The following FAM135B variants were observed in gnomAD, a reference collection of about 807,000 sequenced individuals.
FAM135B encodes the protein family with sequence similarity 135 member B, also known as protein FAM135B.
In FAM135B, 43 loss-of-function variants were observed where a neutral mutation model predicts 127.7. The ratio of observed to expected loss-of-function variants is 0.34; its 90% confidence interval spans 0.26 to 0.43. The LOEUF (loss-of-function observed/expected upper bound fraction) is 0.43, where lower values mean the gene tolerates loss of function less well. Among genes scored for constraint, FAM135B ranks in the 20% least tolerant of loss-of-function variants. FAM135B has a pLI of 1.00. For synonymous variants in FAM135B, 670 were observed against 665.1 expected (o/e 1.01, Z -0.11); for missense variants, 1,558 against 1,725.6 (o/e 0.90, Z 1.72).
intron 1 of FAM135B, chr8:138,459,034 C>G (rs561395128): frequency 6.6e-6 from 1 of 152,510 alleles, no homozygotes; most frequent in Non-Finnish European, 1.5e-5. Flanking sequence ...TCTGAATCCA[C>G]GCAGCACTGC....
rs1816135991 is a variant in FAM135B at position 138,130,589 on chromosome 8, A to G, written c.*2004T>C. 1 of 152,246 alleles carries G rather than the reference A, an allele frequency of 6.6e-6. No individual in the cohort carries two copies. The highest frequency in any genetic ancestry group is 2.1e-4 in the South Asian group (1 of 4,822). The allele number at this position is 152,246 out of a possible 1,614,324, so 9.4% of individuals were successfully genotyped here. A position where few individuals can be genotyped will look rare whatever the true frequency, so the allele number is the denominator to read the frequency against. On this transcript the variant is annotated 3_prime_UTR_variant, in exon 20 of 20. Coordinates refer to ENST00000395297, the MANE Select transcript of FAM135B (RefSeq NM_015912.4). ...CAGGGAATGACGAACATTGCTGATG[A>G]AAATTGGAAACACAACATGAAATGC...
At chr8:138,424,980 G>A (rs538662795) in intron 1 of FAM135B, among the ~76,000 whole-genome samples, 2 of 152,252 alleles carry the variant, frequency 1.3e-5, no homozygotes, top group East Asian at 1.9e-4. Flanking sequence ...AAGGCTCAAT[G>A]AGCCAGCCAA....
chr8:138,488,428 G>GA lies in FAM135B; in HGVS notation c.-20+8242dup, dbSNP rs1346728769. Among the ~76,000 whole-genome samples, 537 of 135,708 alleles carry GA rather than the reference G, an allele frequency of 4.0e-3. 4 individuals carry two copies. Among genetic ancestry groups the GA allele is most frequent in the African/African-American group, 0.012 (406 of 33,288 alleles). The allele number at this position is 135,708 out of a possible 152,430, so 89.0% of individuals were successfully genotyped here. On this transcript the variant is annotated intron_variant, in intron 1 of 19. Transcript: ENST00000395297. The stretch of plus-strand genomic sequence containing the variant: ...TGATATGATAATGAATTCTTTTGAG[G>GA]AAAAAAAAAAAAGCAAGCTTGGTGG...
In FAM135B at chr8:138,265,754, G is replaced by A. The variant is rs750856234; in HGVS notation, c.246C>T (p.Pro82=). 1.3e-5 allele frequency: 21 copies of A among 1,613,894 alleles called. No individual in the cohort carries two copies. The highest frequency in any genetic ancestry group is 3.3e-5 in the Admixed American group (2 of 60,002). Residue 82 remains proline (P), a synonymous_variant, in exon 4 of 20, where the codon CCC becomes CCT. Coordinates refer to ENST00000395297, the MANE Select transcript of FAM135B (RefSeq NM_015912.4). ...CTCGGAAGACCACAGCATCATTTAT[G>A]GGTACCTCTTCATTCCGGTATAAGA... is the stretch of plus-strand genomic sequence containing the variant. ...FQILYRNEEV[P]INDAVVFRVH... is the part of the protein sequence containing the mutation.
intron 7 of FAM135B, among the ~76,000 whole-genome samples, chr8:138,204,237 C>A (rs2129663364): frequency 6.6e-6 from 1 of 152,242 alleles, no homozygotes; most frequent in Non-Finnish European, 1.5e-5. Context: ...GGCCTATGCT[C>A]TTGCCGTTGG....
At chr8:138,196,765 G>C (rs1168834143) in intron 8 of FAM135B, among the ~76,000 whole-genome samples, 2 of 152,160 alleles carry the variant, frequency 1.3e-5, no homozygotes, top group Non-Finnish European at 2.9e-5. Flanking sequence ...TTTGAGCAGA[G>C]CCAGAACATA....
At chr8:138,437,901 C>T (rs1402971714) in intron 1 of FAM135B, 1 of 152,166 alleles carries the variant, frequency 6.6e-6, no homozygotes, top group African/African-American at 2.4e-5. Flanking sequence ...GGAATCACTA[C>T]ATTATTGTCA....
chr8:138,253,085 G>A (rs1821824811), intron 5 of FAM135B, among the ~76,000 whole-genome samples: 1 of 152,080 alleles, frequency 6.6e-6, no homozygotes. Flanking sequence ...ACAGGTGCGA[G>A]CCACCTTGCC....
chr8:138,442,267 T>TATATATATATATATATATAC lies in FAM135B; in HGVS notation c.-20+54403_-20+54404insGTATATATATATATATATAT, dbSNP rs34280434. Among the ~76,000 whole-genome samples the TATATATATATATATATATAC allele has an allele frequency of 2.9e-3, 253 of 86,724 alleles. 23 individuals carry two copies. Among genetic ancestry groups the TATATATATATATATATATAC allele is most frequent in the Non-Finnish European group, 3.5e-3 (147 of 41,950 alleles). The allele number at this position is 86,724 out of a possible 152,430, so 56.9% of individuals were successfully genotyped here. ...ATATATATATATATATATATATATA[T>TATATATATATATATATATAC]ATATATATATGAAAAACCTTGGCAG... On this transcript the variant is annotated intron_variant, in intron 1 of 19. Transcript: ENST00000395297.
At chr8:138,258,001 A>G (rs893354169) in intron 4 of FAM135B, among the ~76,000 whole-genome samples, 1 of 152,168 alleles carries the variant, frequency 6.6e-6, no homozygotes, top group Non-Finnish European at 1.5e-5. Context: ...TGTCCCGTCT[A>G]CCACCATTCA....
At chr8:138,143,132 G>C (rs370494090) in intron 15 of FAM135B, 23 bp from the exon 16 acceptor site, 6 of 1,394,182 alleles carry the variant, frequency 4.3e-6, no homozygotes, top group Non-Finnish European at 6.1e-6. Flanking sequence ...AGAGGAACAG[G>C]TGTTGGGTAT....
chr8:138,416,483 C>CT (rs1563983988), intron 1 of FAM135B, among the ~76,000 whole-genome samples: 1 of 152,086 alleles, frequency 6.6e-6, no homozygotes, highest in Non-Finnish European at 1.5e-5. Flanking sequence ...TAATGCCTCA[C>CT]TTTTTATCTT....
rs185620265 is a variant in FAM135B at position 138,315,858 on chromosome 8, G to A, written c.78-4938C>T. Among the ~76,000 whole-genome samples the A allele has an allele frequency of 2.7e-3, 404 of 152,244 alleles. 1 individual carries two copies. The highest frequency in any genetic ancestry group is 7.0e-3 in the South Asian group (34 of 4,826). ...TAGGATGATAGTTACCGGGAACGGA[G>A]AAGGGAAAGAAAGAAGAAATGGGGA... On this transcript the variant is annotated intron_variant, in intron 2 of 19. Transcript: ENST00000395297.
At chr8:138,377,034 T>A (rs775776879) in intron 1 of FAM135B, among the ~76,000 whole-genome samples, 7 of 152,224 alleles carry the variant, frequency 4.6e-5, no homozygotes, top group Non-Finnish European at 1.0e-4. Flanking sequence ...GGATAAAATA[T>A]TAAAACTGTT....
intron 5 of FAM135B, among the ~76,000 whole-genome samples, chr8:138,255,573 A>C (rs1822015578): frequency 6.6e-6 from 1 of 152,196 alleles, no homozygotes; most frequent in Non-Finnish European, 1.5e-5. Flanking sequence ...GGTTCTCCAC[A>C]TATGTGGAAT....
chr8:138,168,149 T>C, intron 11 of FAM135B, 100 bp from the exon 12 acceptor site: 1 of 1,326,744 alleles, frequency 7.5e-7, no homozygotes, highest in South Asian at 1.5e-5. Flanking sequence ...GGTTCTCAGC[T>C]GACTCTGGCA....
At chr8:138,153,738 G>A (rs1454621225) in intron 12 of FAM135B, among the ~76,000 whole-genome samples, 1 of 152,200 alleles carries the variant, frequency 6.6e-6, no homozygotes, top group Non-Finnish European at 1.5e-5. Context: ...GAGGCTGGGG[G>A]AGGGGTGTCC....
intron 1 of FAM135B, among the ~76,000 whole-genome samples, chr8:138,374,470 C>T (rs1449907808): frequency 6.6e-6 from 1 of 152,184 alleles, no homozygotes; most frequent in Non-Finnish European, 1.5e-5. Context: ...CTATAAGCCC[C>T]TAAAAAGGAG....
At chr8:138,258,876 A>G (rs370776520) in intron 4 of FAM135B, among the ~76,000 whole-genome samples, 7 of 151,550 alleles carry the variant, frequency 4.6e-5, no homozygotes, top group African/African-American at 1.7e-4. Flanking sequence ...CCTTATCTCA[A>G]TTAGAGTCAT....
Sources: allele counts gnomAD v4.1 joint callset (sites outside exome capture counted in the v4.1 genomes callset), GRCh38; gene constraint gnomAD v4.1.1; transcripts MANE v1.5; gene names NCBI Gene and HGNC (gene_info 2026-07-23, HGNC 2026-07-21).